The following GGA1 variants were observed in gnomAD, a reference collection of about 807,000 sequenced individuals.
GGA1 encodes the protein golgi associated, gamma adaptin ear containing, ARF binding protein 1.
A neutral mutation model predicts 76.9 loss-of-function variants in GGA1; 18 were observed. The observed-to-expected ratio is 0.23, with a 90% CI of 0.16 to 0.35. The LOEUF (loss-of-function observed/expected upper bound fraction) is 0.35. Among genes scored for constraint, GGA1 ranks in the 10% least tolerant of loss-of-function variants. The pLI, the probability that GGA1 is intolerant of heterozygous loss-of-function variation, is 1.00. For synonymous variants in GGA1, 342 were observed against 354.7 expected (o/e 0.96, Z 0.40); for missense variants, 755 against 859.0 (o/e 0.88, Z 1.51).
At chr22:37,617,097 AAG>A in intron 3 of GGA1, 100 bp downstream of exon 3, 2 of 1,543,488 alleles carry the variant, frequency 1.3e-6, no homozygotes, top group Non-Finnish European at 1.7e-6. Flanking sequence ...TTCAGAGCCC[AAG>A]AGAGTTGTGC....
rs770239297 is a variant in GGA1 at position 37,625,308 on chromosome 22, A to AG, written c.940+233dup. On this transcript the variant is annotated intron_variant, in intron 10 of 16. Transcript: ENST00000343632. This position sits in a 1 kb window ranked among gnomAD's most constrained non-coding sequence, Gnocchi z 4.1. ...TGAGGGTTTGGTGAGGACAGGCAGA[A>AG]GAAGGAAGGCATTCTTTCATTTGAC... is the stretch of plus-strand genomic sequence containing the variant. Among the ~76,000 whole-genome samples, 5 of 152,162 alleles carry AG rather than the reference A, an allele frequency of 3.3e-5. No homozygotes were observed. The highest frequency in any genetic ancestry group is 5.9e-5 in the Non-Finnish European group (4 of 68,026).
chr22:37,609,414 T>A (rs575530470), intron 1 of GGA1: 6 of 786,872 alleles, frequency 7.6e-6, no homozygotes, highest in Middle Eastern at 5.2e-4. Context: ...ACTGCCCCAT[T>A]TGATTCCTCC....
Position 37,632,184 on chromosome 22 carries a change from A to G in GGA1, c.1698+19A>G. On this transcript the variant is annotated intron_variant, in intron 15 of 16. Coordinates refer to ENST00000343632, the MANE Select transcript of GGA1 (RefSeq NM_013365.5). This position sits in a 1 kb window ranked among gnomAD's most constrained non-coding sequence, Gnocchi z 5.1. ...CCCCAAGGTGACAAGCCAGTCGGACAGGGCATGCCTCCCTCCTCTCAAGGC... is the reference window on the plus strand; with the variant it reads ...CCCCAAGGTGACAAGCCAGTCGGACGGGGCATGCCTCCCTCCTCTCAAGGC... 2.5e-6 allele frequency: 4 copies of G among 1,596,758 alleles called. No individual in the cohort carries two copies. The highest frequency in any genetic ancestry group is 1.1e-5 in the South Asian group (1 of 90,258).
At chr22:37,609,606 C>G (rs1045118042) in intron 1 of GGA1, among the ~76,000 whole-genome samples, 4 of 152,214 alleles carry the variant, frequency 2.6e-5, no homozygotes, top group African/African-American at 9.7e-5. Context: ...CTTCTACACC[C>G]CTTTTTTTCT....
intron 11 of GGA1, among the ~76,000 whole-genome samples, chr22:37,627,693 G>A (rs937709780): frequency 6.6e-6 from 1 of 152,214 alleles, no homozygotes; most frequent in African/African-American, 2.4e-5. Flanking sequence ...TCCTGTCCCC[G>A]CACTGCACTG....
intron 5 of GGA1, 44 bp from the exon 6 acceptor site, chr22:37,620,769 G>T: frequency 1.7e-6 from 2 of 1,198,186 alleles, no homozygotes; most frequent in East Asian, 4.7e-5. Flanking sequence ...CTACCCCTGG[G>T]CCTGGGACAT....
rs929380593 is a variant in GGA1 at position 37,623,687 on chromosome 22, G to A, written c.832+54G>A. 2.1e-5 allele frequency: 25 copies of A among 1,205,108 alleles called. No homozygotes were observed. Among genetic ancestry groups the A allele is most frequent in the Non-Finnish European group, 3.0e-5 (25 of 843,244 alleles). The allele number at this position is 1,205,108 out of a possible 1,614,324, so 74.7% of individuals were successfully genotyped here. On this transcript the variant is annotated intron_variant, in intron 9 of 16. Transcript: ENST00000343632. This position sits in a 1 kb window ranked among gnomAD's most constrained non-coding sequence, Gnocchi z 4.6. ...GTCCCCCCCTCTCCCTCCACCTCCT[G>A]CCCCCACCTCCCCCAGGCCCTGCTA...
intron 11 of GGA1, among the ~76,000 whole-genome samples, chr22:37,629,214 C>T (rs576699529): frequency 6.6e-6 from 1 of 152,314 alleles, no homozygotes; most frequent in African/African-American, 2.4e-5. Context: ...TGTCTGTGTG[C>T]ACAGAGCTTT....
chr22:37,618,167 G>C, intron 3 of GGA1: 1 of 344,560 alleles, frequency 2.9e-6, no homozygotes, highest in Non-Finnish European at 5.2e-6. Flanking sequence ...ATAATGTACA[G>C]TTGGTACTCA....
At chr22:37,630,243 C>A in intron 13 of GGA1, 73 bp downstream of exon 13, 2 of 1,145,962 alleles carry the variant, frequency 1.7e-6, no homozygotes, top group Non-Finnish European at 1.2e-6. Flanking sequence ...TTCTCCTGGG[C>A]TTGTCCAGGC....
At chr22:37,614,126 G>A in intron 1 of GGA1, 64 bp from the exon 2 acceptor site, 1 of 1,107,444 alleles carries the variant, frequency 9.0e-7, no homozygotes, top group African/African-American at 1.5e-5. Context: ...CTTTGCCAGG[G>A]TCAGGAGTGG....
rs376388093 is a variant in GGA1, at chr22:37,616,932, G to A, written c.139G>A (p.Ala47Thr). 4.1e-5 allele frequency: 65 copies of A among 1,604,598 alleles called. No individual in the cohort carries two copies. Among genetic ancestry groups the A allele is most frequent in the Non-Finnish European group, 5.5e-5 (65 of 1,176,102 alleles). The change falls in exon 3 of 17, where the codon GCC (alanine) becomes ACC (threonine). Residue 47 changes from alanine to threonine, a missense_variant. Physicochemically the swap from Ala to Thr is moderately conservative, Grantham distance 58 (BLOSUM62 0). Transcript: ENST00000343632. ...LNEDFEGPPL[A>T]TRLLAHKIQS... ...GTTCCTCCCACCCAGGCCTCCACTCGCCACCCGGCTGCTGGCCCACAAGAT... is the reference window on the plus strand; with the variant it reads ...GTTCCTCCCACCCAGGCCTCCACTCACCACCCGGCTGCTGGCCCACAAGAT...
intron 1 of GGA1, among the ~76,000 whole-genome samples, chr22:37,611,864 T>C (rs1327200573): frequency 1.3e-5 from 2 of 152,186 alleles, no homozygotes; most frequent in African/African-American, 2.4e-5. Context: ...CCAAAATCAA[T>C]ATTTTGGTCA....
intron 7 of GGA1, 102 bp downstream of exon 7, chr22:37,621,798 A>C: frequency 1.3e-6 from 1 of 743,094 alleles, no homozygotes; most frequent in Non-Finnish European, 2.2e-6. Context: ...GGAGCCCTGC[A>C]GTGACCCGGG....
chr22:37,631,454 G>GT (rs1011436025), intron 14 of GGA1, among the ~76,000 whole-genome samples: 6 of 152,142 alleles, frequency 3.9e-5, no homozygotes, highest in Admixed American at 2.0e-4. Context: ...CCAAGGCTGG[G>GT]TTTTTCCAGC....
rs963723211 is a variant in GGA1 at position 37,623,215 on chromosome 22, A to G, written c.610-112A>G. ...GGAGCCCCACCCAGAGTGTGATCCC[A>G]CAGTCACCCAGCTGTCAACCCAGAT... On this transcript the variant is annotated intron_variant, in intron 7 of 16. Coordinates refer to ENST00000343632, the MANE Select transcript of GGA1 (RefSeq NM_013365.5). The surrounding 1 kb of genome is among the most constrained non-coding windows in gnomAD (Gnocchi z 4.6). The G allele has an allele frequency of 2.2e-5, 23 of 1,048,118 alleles. No individual in the cohort carries two copies. The highest frequency in any genetic ancestry group is 3.2e-5 in the Non-Finnish European group (22 of 679,814). The allele number at this position is 1,048,118 out of a possible 1,614,324, so 64.9% of individuals were successfully genotyped here.
chr22:37,619,946 G>C, intron 4 of GGA1: 1 of 663,166 alleles, frequency 1.5e-6, no homozygotes, highest in Non-Finnish European at 2.8e-6. Flanking sequence ...TCAAGGCTAA[G>C]TCCCCAGAGC....
Position 37,625,072 on chromosome 22 carries a change from C to A in GGA1, c.936C>A (p.Ile312=). 6.3e-7 allele frequency: 1 copy of A among 1,589,980 alleles called. No homozygotes were observed. The highest frequency in any genetic ancestry group is 8.6e-7 in the Non-Finnish European group (1 of 1,168,620). ...EVNGDATAGS[I]PGSTSALLDL... ...ACGGTGATGCCACAGCCGGCTCCATCCCTGGTGAGGAGGTGGCAGGAGAGC... is the reference window on the plus strand; with the variant it reads ...ACGGTGATGCCACAGCCGGCTCCATACCTGGTGAGGAGGTGGCAGGAGAGC... The change falls in exon 10 of 17, where the codon ATC becomes ATA. Residue 312 remains isoleucine, a synonymous_variant. Transcript: ENST00000343632. The surrounding 1 kb of genome is among the most constrained non-coding windows in gnomAD (Gnocchi z 4.1).
At chr22:37,613,978 G>A (rs1928254160) in intron 1 of GGA1, 1 of 543,452 alleles carries the variant, frequency 1.8e-6, no homozygotes, top group Admixed American at 3.1e-5. Context: ...GTCTCTAAAA[G>A]TGGGGCCCTT....
Sources: gnomAD v4.1 joint callset for allele counts (sites outside exome capture counted in the v4.1 genomes callset) on GRCh38, gnomAD v4.1.1 for gene constraint, Gnocchi (gnomAD v3.1) non-coding constraint, MANE v1.5 for transcripts, NCBI Gene and HGNC (gene_info 2026-07-23, HGNC 2026-07-21) for gene names.